SUMF1: variants seen among roughly 807,000 people sequenced by gnomAD.
SUMF1 encodes formylglycine-generating enzyme.
SUMF1 carries 48 observed loss-of-function variants against 47.6 expected under a neutral mutation model. That is an observed-to-expected ratio of 1.01 (90% CI 0.80 to 1.28). SUMF1 has a LOEUF of 1.28. Ranked by LOEUF, SUMF1 falls within the 50% of genes most tolerant of loss-of-function variation. The probability of loss-of-function intolerance (pLI) is 0.00; values close to 1 mark genes in which losing one functional copy is unlikely to be tolerated. For synonymous variants in SUMF1, 230 were observed against 192.1 expected (o/e 1.20, Z -1.63); for missense variants, 571 against 485.4 (o/e 1.18, Z -1.66).
chr3:4,048,358 T>C (rs1407111209), intron 9 of SUMF1, among the ~76,000 whole-genome samples: 2 of 152,162 alleles, frequency 1.3e-5, no homozygotes, highest in Non-Finnish European at 1.5e-5. Flanking sequence ...ATGTTAGTCT[T>C]ACAACTACCC....
intron 3 of SUMF1, among the ~76,000 whole-genome samples, chr3:4,429,259 C>T (rs1702162526): frequency 6.6e-6 from 1 of 152,240 alleles, no homozygotes; most frequent in Admixed American, 6.5e-5. Flanking sequence ...TCTGGAAAGA[C>T]ATCTGCGTGT....
intron 8 of SUMF1, among the ~76,000 whole-genome samples, chr3:4,133,370 G>A (rs937182892): frequency 1.3e-5 from 2 of 152,118 alleles, no homozygotes; most frequent in Admixed American, 6.6e-5. Context: ...AATTATGTAT[G>A]ATCTCAGGAG....
chr3:4,116,768 CTA>C lies in SUMF1; in HGVS notation c.1015-48025_1015-48024del. Among the ~76,000 whole-genome samples, 3 of 152,214 alleles carry C rather than the reference CTA, an allele frequency of 2.0e-5. No homozygotes were observed. In the East Asian group the frequency reaches 5.8e-4, roughly 29 times the overall value. ...CGTGCTGAAAATAAGTACTAAACAA[CTA>C]TTTACTTCTCACTGGACAATTCCAG... On this transcript the variant is annotated intron_variant and NMD_transcript_variant, in intron 8 of 12. Coordinates refer to the SUMF1 transcript ENST00000448413.
intron 8 of SUMF1, among the ~76,000 whole-genome samples, chr3:4,288,135 G>C (rs1039156521): frequency 1.3e-5 from 2 of 152,114 alleles, no homozygotes; most frequent in African/African-American, 4.8e-5. Context: ...ACAACACCTA[G>C]GGAAGGTGAG....
chr3:4,226,207 A>G (rs1331873079), intron 8 of SUMF1, among the ~76,000 whole-genome samples: 1 of 151,368 alleles, frequency 6.6e-6, no homozygotes, highest in African/African-American at 2.4e-5. Flanking sequence ...ACACTTAATA[A>G]GGGCCTTATA....
At chr3:4,197,021 C>T (rs775048519) in intron 8 of SUMF1, among the ~76,000 whole-genome samples, 2 of 152,112 alleles carry the variant, frequency 1.3e-5, no homozygotes, top group East Asian at 1.9e-4. Context: ...CACATGGACA[C>T]TCCTAGACGA....
At chr3:4,323,206 A>G (rs1369891425) in intron 8 of SUMF1, among the ~76,000 whole-genome samples, 2 of 152,160 alleles carry the variant, frequency 1.3e-5, no homozygotes, top group South Asian at 4.1e-4. Context: ...CCATTCCATA[A>G]AAAGGAATGA....
chr3:4,067,722 C>G lies in SUMF1; in HGVS notation c.1191+847G>C, dbSNP rs142843277. On this transcript the variant is annotated intron_variant and NMD_transcript_variant, in intron 9 of 12. Transcript: ENST00000448413. ...TCAATCAAAGAAATCCATTCATATACTTTTCTCCCAGAATTCTGATGTCCT... is the reference window on the plus strand; with the variant it reads ...TCAATCAAAGAAATCCATTCATATAGTTTTCTCCCAGAATTCTGATGTCCT... 7.9e-5 allele frequency among the ~76,000 whole-genome samples: 12 copies of G among 152,282 alleles called. No individual in the cohort carries two copies. In the East Asian group the frequency reaches 2.3e-3, roughly 29 times the overall value.
chr3:4,316,488 G>T, intron 8 of SUMF1: 1 of 1,602,148 alleles, frequency 6.2e-7, no homozygotes, highest in Non-Finnish European at 8.5e-7. Flanking sequence ...ACGAGAAGTT[G>T]CTGAAGAACT....
In SUMF1 at chr3:4,439,686, G is replaced by GA. The variant is rs974155524; in HGVS notation, c.519+9579dup. Among the ~76,000 whole-genome samples the GA allele has an allele frequency of 6.1e-4, 92 of 150,258 alleles. 1 individual carries two copies. The highest frequency in any genetic ancestry group is 1.9e-3 in the African/African-American group (76 of 41,052). ...GAAAAGTCTTAGTGGTCTCATAAGA[G>GA]AAAAAAAAATCTTTCTTAAATTTCT... On this transcript the variant is annotated intron_variant, in intron 3 of 8. Transcript: ENST00000272902.
chr3:4,455,451 C>A (rs1703126253), intron 1 of SUMF1, among the ~76,000 whole-genome samples: 1 of 152,218 alleles, frequency 6.6e-6, no homozygotes, highest in Non-Finnish European at 1.5e-5. Flanking sequence ...TGCAGTGGCT[C>A]ACACCTGTAA....
chr3:4,179,565 C>A (rs976237861), intron 8 of SUMF1, among the ~76,000 whole-genome samples: 1 of 152,036 alleles, frequency 6.6e-6, no homozygotes, highest in African/African-American at 2.4e-5. Context: ...AAATATTAGA[C>A]CTAAAACCCA....
chr3:4,456,945 C>CATATATACGTGTGTGTAT (rs1326236020), intron 1 of SUMF1, among the ~76,000 whole-genome samples: 2 of 55,922 alleles, frequency 3.6e-5, no homozygotes, highest in Non-Finnish European at 8.1e-5. Flanking sequence ...CGTGTGTGTA[C>CATATATACGTGTGTGTAT]ATATATACGT....
rs147025367 is a variant in SUMF1 at position 4,159,794 on chromosome 3, C to A, written c.1015-91049G>T. 1.1e-3 allele frequency among the ~76,000 whole-genome samples: 174 copies of A among 152,234 alleles called. 1 individual carries two copies. Among genetic ancestry groups the A allele is most frequent in the African/African-American group, 3.7e-3 (154 of 41,536 alleles). ...TTTGCCTGAGAAAGTCTTAATTTCTCTTTTATGTTTGAAGGATATTTTCAC... is the reference window on the plus strand; with the variant it reads ...TTTGCCTGAGAAAGTCTTAATTTCTATTTTATGTTTGAAGGATATTTTCAC... On this transcript the variant is annotated intron_variant and NMD_transcript_variant, in intron 8 of 12. Coordinates refer to the SUMF1 transcript ENST00000448413.
In SUMF1 at chr3:4,284,684, G is replaced by A. The variant is rs371243062; in HGVS notation, c.1014+91646C>T. Reference sequence around the variant, plus strand: ...GCTCTTCCTAGGCAGTCACACTAGCGTCAACAATTACTTCAAATCAGGAAA... The same window carrying A: ...GCTCTTCCTAGGCAGTCACACTAGCATCAACAATTACTTCAAATCAGGAAA... On this transcript the variant is annotated intron_variant and NMD_transcript_variant, in intron 8 of 12. Coordinates refer to the SUMF1 transcript ENST00000448413. Among the ~76,000 whole-genome samples the A allele has an allele frequency of 1.3e-4, 20 of 151,578 alleles. No homozygotes were observed. In the East Asian group the frequency reaches 1.6e-3, roughly 12 times the overall value.
At chr3:4,308,190 G>A (rs536249455) in intron 8 of SUMF1, among the ~76,000 whole-genome samples, 1 of 152,332 alleles carries the variant, frequency 6.6e-6, no homozygotes, top group South Asian at 2.1e-4. Context: ...AGTAATGGAG[G>A]AAAGGTATAC....
At chr3:4,329,258 ACT>A (rs1395705202) in intron 8 of SUMF1, among the ~76,000 whole-genome samples, 1 of 151,820 alleles carries the variant, frequency 6.6e-6, no homozygotes, top group African/African-American at 2.4e-5. Context: ...CCCAGTGGGG[ACT>A]CTGTGTGGTG....
intron 7 of SUMF1, among the ~76,000 whole-genome samples, chr3:4,392,355 A>C (rs1354306097): frequency 1.3e-5 from 2 of 152,000 alleles, no homozygotes; most frequent in African/African-American, 4.8e-5. Flanking sequence ...TAGTTCTTTA[A>C]ATATAATCAT....
At chr3:4,345,007 C>A (rs942927249) in intron 8 of SUMF1, among the ~76,000 whole-genome samples, 1 of 152,046 alleles carries the variant, frequency 6.6e-6, no homozygotes, top group East Asian at 1.9e-4. Flanking sequence ...AAGGAATGAA[C>A]AAAGCCTCCA....
Sources: gnomAD v4.1 joint callset for allele counts (sites outside exome capture counted in the v4.1 genomes callset) on GRCh38, gnomAD v4.1.1 for gene constraint, MANE v1.5 for transcripts, NCBI Gene and HGNC (gene_info 2026-07-23, HGNC 2026-07-21) for gene names.